The following SEC23A variants were observed in gnomAD, a reference collection of about 807,000 sequenced individuals.
SEC23A encodes the protein protein transport protein Sec23A.
Under a neutral mutation model 103.7 loss-of-function variants are expected in SEC23A, and 56 were observed. The ratio of observed to expected loss-of-function variants is 0.54; its 90% CI spans 0.44 to 0.67. The LOEUF (loss-of-function observed/expected upper bound fraction) is 0.67. Ranked by LOEUF, SEC23A falls within the 30% of genes least tolerant of loss-of-function variation. The probability of loss-of-function intolerance (pLI) is 0.00; values close to 1 mark genes in which losing one functional copy is unlikely to be tolerated. For synonymous variants in SEC23A, 281 were observed against 293.0 expected (o/e 0.96, Z 0.42); for missense variants, 784 against 936.4 (o/e 0.84, Z 2.12).
intron 7 of SEC23A, 34 bp downstream of exon 7, chr14:39,085,728 A>ACT (rs1566508385): frequency 1.3e-6 from 2 of 1,594,358 alleles, no homozygotes; most frequent in Non-Finnish European, 1.7e-6. Flanking sequence ...ACACACACAC[A>ACT]CTTTACATTC....
intron 7 of SEC23A, among the ~76,000 whole-genome samples, chr14:39,084,563 T>C (rs576519999): frequency 2.0e-4 from 30 of 152,336 alleles, no homozygotes; most frequent in African/African-American, 7.2e-4. Context: ...TATTATCTTA[T>C]ACATACCATT....
intron 9 of SEC23A, among the ~76,000 whole-genome samples, chr14:39,069,975 A>ACCATACTTATCCTATCTC: frequency 6.6e-6 from 1 of 152,172 alleles, no homozygotes; most frequent in Admixed American, 6.5e-5. Context: ...CATCCTATCT[A>ACCATACTTATCCTATCTC]CCATACTTAT....
chr14:39,053,964 C>A (rs1252891368), intron 14 of SEC23A, among the ~76,000 whole-genome samples: 1 of 152,040 alleles, frequency 6.6e-6, no homozygotes, highest in Non-Finnish European at 1.5e-5. Flanking sequence ...GAGACCCAGT[C>A]TCAACAAAAT....
chr14:39,086,822 C>T, intron 6 of SEC23A, 107 bp downstream of exon 6: 2 of 708,576 alleles, frequency 2.8e-6, no homozygotes, highest in Non-Finnish European at 5.1e-6. Flanking sequence ...TACTTATATT[C>T]CTAAAAATAT....
chr14:39,054,909 G>A (rs768053295), intron 14 of SEC23A, among the ~76,000 whole-genome samples: 2 of 152,052 alleles, frequency 1.3e-5, no homozygotes, highest in Non-Finnish European at 2.9e-5. Context: ...AAAAATAATA[G>A]GTTACATAAT....
intron 12 of SEC23A, among the ~76,000 whole-genome samples, chr14:39,062,078 AG>A (rs1193063595): frequency 6.6e-6 from 1 of 152,206 alleles, no homozygotes; most frequent in Non-Finnish European, 1.5e-5. Context: ...CAAGAATGAT[AG>A]AAGTCAGTCC....
At chr14:39,047,336 C>CA (rs1382949013) in intron 15 of SEC23A, 26 of 1,230,274 alleles carry the variant, frequency 2.1e-5, no homozygotes, top group Non-Finnish European at 2.6e-5. Context: ...GTTTCTGCTA[C>CA]AAAAATGACA....
At chr14:39,034,920 T>C (rs535930820) in intron 19 of SEC23A, among the ~76,000 whole-genome samples, 3 of 152,322 alleles carry the variant, frequency 2.0e-5, no homozygotes, top group East Asian at 3.9e-4. Context: ...ATAATACTTA[T>C]CATAGGGTCC....
Position 39,076,098 on chromosome 14 carries a change from TAAAA to T in SEC23A, c.829-9_829-6del. Reference sequence around the variant, plus strand: ...ACCAGTGTTGGGAAAAGTACACTATTAAAAAAAAAGTCAAGAGTTTAAAAGAAAA... The same window carrying T: ...ACCAGTGTTGGGAAAAGTACACTATTAAAAAGTCAAGAGTTTAAAAGAAAA... On this transcript the variant is annotated splice_polypyrimidine_tract_variant and splice_region_variant and intron_variant, in intron 7 of 19. Coordinates refer to ENST00000307712, the MANE Select transcript of SEC23A (RefSeq NM_006364.4). 6.3e-7 allele frequency: 1 copy of T among 1,592,074 alleles called. No individual in the cohort carries two copies. The highest frequency in any genetic ancestry group is 1.1e-5 in the South Asian group (1 of 89,126).
chr14:39,057,105 G>C (rs373439491), intron 13 of SEC23A, among the ~76,000 whole-genome samples: 2 of 152,076 alleles, frequency 1.3e-5, no homozygotes. Flanking sequence ...CTTGAGCTCA[G>C]GAGTTCAAGA....
intron 13 of SEC23A, 22 bp from the exon 14 acceptor site, chr14:39,055,318 A>C (rs752517128): frequency 6.2e-7 from 1 of 1,610,964 alleles, no homozygotes; most frequent in East Asian, 2.2e-5. Context: ...AAGAAAGCAT[A>C]GAAATGCTTC....
In SEC23A at chr14:39,063,411, C is replaced by G; in HGVS notation, c.1311G>C (p.Glu437Asp). 2 of 1,590,884 alleles carry G rather than the reference C, an allele frequency of 1.3e-6. No individual in the cohort carries two copies. The highest frequency in any genetic ancestry group is 1.7e-6 in the Non-Finnish European group (2 of 1,159,570). ...ACTGACATGTGCCACCTGTTCCTAT[C>G]TCCTGTAAAAATAAAATATAGCATG... ...NSKGPCVSEN[E>D]IGTGGTCQWK... The change falls in exon 12 of 20, where the codon GAG becomes GAC. Residue 437 changes from glutamate to aspartate, a missense_variant and splice_region_variant. Coordinates refer to ENST00000307712, the MANE Select transcript of SEC23A (RefSeq NM_006364.4).
chr14:39,077,398 C>T (rs1887070418), intron 7 of SEC23A, among the ~76,000 whole-genome samples: 1 of 151,670 alleles, frequency 6.6e-6, no homozygotes, highest in Admixed American at 6.6e-5. Flanking sequence ...AAAAAATTAG[C>T]CGGGCATGGT....
chr14:39,043,285 C>T (rs901855861), intron 16 of SEC23A, among the ~76,000 whole-genome samples: 3 of 152,046 alleles, frequency 2.0e-5, no homozygotes, highest in Admixed American at 6.5e-5. Flanking sequence ...GAAACTTAGG[C>T]CATGATGGCC....
At chr14:39,068,765 T>A (rs1318327894) in intron 9 of SEC23A, among the ~76,000 whole-genome samples, 1 of 152,112 alleles carries the variant, frequency 6.6e-6, no homozygotes, top group Non-Finnish European at 1.5e-5. Flanking sequence ...TAAACATCAA[T>A]AAAAGATACA....
At chr14:39,085,109 C>A (rs1411811647) in intron 7 of SEC23A, among the ~76,000 whole-genome samples, 1 of 152,196 alleles carries the variant, frequency 6.6e-6, no homozygotes, top group African/African-American at 2.4e-5. Context: ...GGGATAATGG[C>A]CAGTGATGTA....
rs56911438 is a variant in SEC23A at position 39,041,409 on chromosome 14, C to CAAAAAAAAA, written c.1987-531_1987-523dup. ...AAATCACCATAAAACAAAGAAAAAGCAAAAAAAAAAAAAAAAAAAAAAAAA... is the reference window on the plus strand; with the variant it reads ...AAATCACCATAAAACAAAGAAAAAGCAAAAAAAAAAAAAAAAAAAAAAAAAAAAAAAAAA... On this transcript the variant is annotated intron_variant, in intron 17 of 19. Transcript: ENST00000307712. The CAAAAAAAAA allele has an allele frequency of 2.7e-4, 4 of 14,642 alleles. 1 individual carries two copies. Among genetic ancestry groups the CAAAAAAAAA allele is most frequent in the Non-Finnish European group, 4.9e-4 (4 of 8,084 alleles). The allele number at this position is 14,642 out of a possible 1,614,324, so 0.9% of individuals were successfully genotyped here. A position where few individuals can be genotyped will look rare whatever the true frequency, so the allele number is the denominator to read the frequency against.
intron 13 of SEC23A, among the ~76,000 whole-genome samples, chr14:39,058,129 G>A (rs1039165980): frequency 6.6e-6 from 1 of 152,040 alleles, no homozygotes; most frequent in African/African-American, 2.4e-5. Flanking sequence ...TTATCTGTTT[G>A]TTTGTTTGTT....
At chr14:39,096,736 TA>T (rs1308245027) in intron 1 of SEC23A, among the ~76,000 whole-genome samples, 1 of 152,026 alleles carries the variant, frequency 6.6e-6, no homozygotes, top group Non-Finnish European at 1.5e-5. Context: ...AATGCAAAAA[TA>T]GGGGGAAAAC....
Sources: allele counts gnomAD v4.1 joint callset (sites outside exome capture counted in the v4.1 genomes callset), GRCh38; gene constraint gnomAD v4.1.1; transcripts MANE v1.5; gene names NCBI Gene and HGNC (gene_info 2026-07-23, HGNC 2026-07-21).